HSD3B7: variants seen among roughly 807,000 people sequenced by gnomAD.
The protein encoded by HSD3B7 is 3 beta-hydroxysteroid dehydrogenase type 7.
In HSD3B7, 35 loss-of-function variants were observed where a neutral mutation model predicts 34.3. The ratio of observed to expected loss-of-function variants is 1.02; its 90% CI spans 0.78 to 1.35. HSD3B7 has a LOEUF of 1.35. Among genes scored for constraint, HSD3B7 ranks in the 40% most tolerant of loss-of-function variants. HSD3B7 has a pLI of 0.00. For missense variants in HSD3B7, 426 were observed against 504.7 expected (o/e 0.84, Z 1.49); for synonymous variants, 217 against 220.1 (o/e 0.99, Z 0.13).
At chr16:30,987,062 G>C in intron 6 of HSD3B7, 60 bp downstream of exon 6, 1 of 1,557,638 alleles carries the variant, frequency 6.4e-7, no homozygotes. Flanking sequence ...TGCTCTAGAA[G>C]GGGGCAGGAC....
rs755404590 is a variant in HSD3B7, at chr16:30,985,725, G to C, written c.67G>C (p.Glu23Gln). The change falls in exon 2 of 7, where the codon GAG (glutamate) becomes CAG (glutamine). Residue 23 changes from glutamate to glutamine, a missense_variant. Glu to Gln is a conservative substitution (Grantham distance 29, BLOSUM62 2). Coordinates refer to ENST00000297679, the MANE Select transcript of HSD3B7 (RefSeq NM_025193.4). ...CACAGGGGGCTGTGGCTTCCTGGGA[G>C]AGCACGTGGTGCGAATGCTGCTGCA... The part of the protein sequence containing the change: ...LVTGGCGFLG[E>Q]HVVRMLLQRE... 5 of 1,608,648 alleles carry C rather than the reference G, an allele frequency of 3.1e-6. No homozygotes were observed. Among genetic ancestry groups the C allele is most frequent in the Non-Finnish European group, 4.2e-6 (5 of 1,179,102 alleles).
chr16:30,988,123 G>A lies in HSD3B7; in HGVS notation c.1050G>A (p.Trp350Ter), dbSNP rs1178409161. Residue 350 changes from tryptophan (W) to a stop codon, truncating the protein, a stop_gained, in exon 7 of 7, where the codon TGG (tryptophan) becomes TGA (stop). Transcript: ENST00000297679. LOFTEE classifies it high-confidence loss of function. ...TCGGCTATGAGCCCCTGTTCTCGTG[G>A]GAGGATAGCCGGACCCGTACCATTC... is the stretch of plus-strand genomic sequence containing the variant. ...RHFGYEPLFSWEDSRTRTILW... is the reference protein window; with the variant it reads ...RHFGYEPLFS 1 of 1,606,544 alleles carries A rather than the reference G, an allele frequency of 6.2e-7. No individual in the cohort carries two copies. The highest frequency in any genetic ancestry group is 1.7e-5 in the Admixed American group (1 of 59,950).
Position 30,986,607 on chromosome 16 carries a change from G to T in HSD3B7, c.434G>T (p.Gly145Val). 1 of 1,614,148 alleles carries T rather than the reference G, an allele frequency of 6.2e-7. No homozygotes were observed. The highest frequency in any genetic ancestry group is 2.2e-5 in the East Asian group (1 of 44,890). ...PNTKGHPFYR[G>V]NEDTPYEAVH... ...AGTCTTCCTTCTCCTCCCACCAGGG[G>T]CAACGAAGACACCCCATACGAAGCA... is the stretch of plus-strand genomic sequence containing the variant. The change falls in exon 5 of 7, where the codon GGC becomes GTC. Residue 145 changes from glycine (G) to valine (V), a missense_variant and splice_region_variant. Coordinates refer to ENST00000297679, the MANE Select transcript of HSD3B7 (RefSeq NM_025193.4).
In HSD3B7 at chr16:30,986,656, C is replaced by T. The variant is rs757771601; in HGVS notation, c.483C>T (p.Cys161=). 4 of 1,614,092 alleles carry T rather than the reference C, an allele frequency of 2.5e-6. No homozygotes were observed. The highest frequency in any genetic ancestry group is 2.2e-5 in the East Asian group (1 of 44,904). Residue 161 remains cysteine, a synonymous_variant, in exon 5 of 7, where the codon TGC becomes TGT. Transcript: ENST00000297679. ...CAGTGCACAGGCACCCCTATCCTTG[C>T]AGCAAGGCCCTGGCCGAGTGGCTGG... is the stretch of plus-strand genomic sequence containing the variant. The part of the protein sequence containing the change: ...YEAVHRHPYP[C]SKALAEWLVL...
chr16:30,986,465 G>A lies in HSD3B7; in HGVS notation c.365G>A (p.Arg122Gln), dbSNP rs772927729. The change falls in exon 4 of 7, where the codon CGG becomes CAG. Residue 122 changes from arginine (R) to glutamine (Q), a missense_variant. Transcript: ENST00000297679. ...GAGGCTTGTGTGCAGACCGGAACAC[G>A]GTTCCTGGTCTACACCAGCAGCATG... is the stretch of plus-strand genomic sequence containing the variant. ...VIEACVQTGT[R>Q]FLVYTSSMEV... 5.6e-6 allele frequency: 9 copies of A among 1,613,970 alleles called. No homozygotes were observed. The highest frequency in any genetic ancestry group is 3.3e-5 in the Admixed American group (2 of 60,004).
In HSD3B7 at chr16:30,988,258, A is replaced by T; in HGVS notation, c.*75A>T. On this transcript the variant is annotated 3_prime_UTR_variant, in exon 7 of 7. Coordinates refer to ENST00000297679, the MANE Select transcript of HSD3B7 (RefSeq NM_025193.4). ...CCGAGCCCTCACACCCTGGACGGGA[A>T]GGGACAGCTGCATTCCAGAGCAGGA... The T allele has an allele frequency of 7.1e-7, 1 of 1,414,558 alleles. No individual in the cohort carries two copies. Among genetic ancestry groups the T allele is most frequent in the South Asian group, 1.2e-5 (1 of 80,170 alleles). The allele number at this position is 1,414,558 out of a possible 1,614,324, so 87.6% of individuals were successfully genotyped here.
Position 30,988,367 on chromosome 16 carries a change from C to T in HSD3B7, c.*184C>T. ...TTCTTTTTTGAGACAGGGTCTTGCT[C>T]TGTCACCCAGACTGGAGTGCAGTGG... is the stretch of plus-strand genomic sequence containing the variant. On this transcript the variant is annotated 3_prime_UTR_variant, in exon 7 of 7. Coordinates refer to ENST00000297679, the MANE Select transcript of HSD3B7 (RefSeq NM_025193.4). The T allele has an allele frequency of 1.6e-6, 1 of 620,420 alleles. No individual in the cohort carries two copies. Among genetic ancestry groups the T allele is most frequent in the Non-Finnish European group, 2.8e-6 (1 of 357,202 alleles). The allele number at this position is 620,420 out of a possible 1,614,324, so 38.4% of individuals were successfully genotyped here.
chr16:30,985,224 C>G lies in HSD3B7; in HGVS notation c.-80C>G. Reference sequence around the variant, plus strand: ...GAGGAGCCAGCGGAAGGACGGTGTGCGGGCCGGCCAGCCCTGGACGAAAGA... The same window carrying G: ...GAGGAGCCAGCGGAAGGACGGTGTGGGGGCCGGCCAGCCCTGGACGAAAGA... On this transcript the variant is annotated 5_prime_UTR_variant, in exon 1 of 7. Coordinates refer to ENST00000297679, the MANE Select transcript of HSD3B7 (RefSeq NM_025193.4). The G allele has an allele frequency of 9.2e-7, 1 of 1,087,110 alleles. No homozygotes were observed. The highest frequency in any genetic ancestry group is 1.1e-6 in the Non-Finnish European group (1 of 888,708). 67.3% of individuals were successfully genotyped at this position (1,087,110 alleles called of 1,614,324 possible). A position where few individuals can be genotyped will look rare whatever the true frequency, so the allele number is the denominator to read the frequency against.
Position 30,988,214 on chromosome 16 carries a change from C to G in HSD3B7, c.*31C>G. 1.3e-6 allele frequency: 2 copies of G among 1,561,434 alleles called. No homozygotes were observed. Among genetic ancestry groups the G allele is most frequent in the Admixed American group, 3.7e-5 (2 of 54,082 alleles). On this transcript the variant is annotated 3_prime_UTR_variant, in exon 7 of 7. Coordinates refer to ENST00000297679, the MANE Select transcript of HSD3B7 (RefSeq NM_025193.4). ...GGGCTGGGGCCTGGAGGCCCAGATACAGCACATCCACCCAGGTCCCGAGCC... is the reference window on the plus strand; with the variant it reads ...GGGCTGGGGCCTGGAGGCCCAGATAGAGCACATCCACCCAGGTCCCGAGCC...
At chr16:30,985,592 G>GT (rs2056457468) in intron 1 of HSD3B7, 61 bp from the exon 2 acceptor site, 2 of 1,549,168 alleles carry the variant, frequency 1.3e-6, no homozygotes. Context: ...ACCTCCAGCA[G>GT]TAACAGGTGG....
Position 30,986,481 on chromosome 16 carries a change from C to G in HSD3B7, c.381C>G (p.Thr127=). 1 of 1,614,166 alleles carries G rather than the reference C, an allele frequency of 6.2e-7. No individual in the cohort carries two copies. Among genetic ancestry groups the G allele is most frequent in the Middle Eastern group, 1.6e-4 (1 of 6,062 alleles). ...VQTGTRFLVY[T]SSMEVVGPNT... ...CCGGAACACGGTTCCTGGTCTACAC[C>G]AGCAGCATGGAAGTTGTGGGGCCTA... is the stretch of plus-strand genomic sequence containing the variant. The change falls in exon 4 of 7, where the codon ACC becomes ACG. Residue 127 remains threonine, a synonymous_variant. Transcript: ENST00000297679.
chr16:30,987,691 T>A, intron 6 of HSD3B7, 77 bp from the exon 7 acceptor site: 2 of 1,530,770 alleles, frequency 1.3e-6, no homozygotes, highest in Non-Finnish European at 1.8e-6. Context: ...AAAGAGGGGG[T>A]GGCCCAGGAG....
chr16:30,985,694 C>G lies in HSD3B7; in HGVS notation c.36C>G (p.Tyr12Ter). Residue 12 changes from tyrosine to a stop codon, truncating the protein, a stop_gained, in exon 2 of 7, where the codon TAC becomes TAG. Transcript: ENST00000297679. LOFTEE classifies it high-confidence loss of function. ...CTGCACAGGCCCAGAAGCTGGTGTA[C>G]CTGGTCACAGGGGGCTGTGGCTTCC... is the stretch of plus-strand genomic sequence containing the variant. Reference protein sequence around the residue: ...ADSAQAQKLVYLVTGGCGFLG... With the variant: ...ADSAQAQKLV The G allele has an allele frequency of 1.2e-6, 2 of 1,608,458 alleles. No individual in the cohort carries two copies. Among genetic ancestry groups the G allele is most frequent in the Non-Finnish European group, 1.7e-6 (2 of 1,179,404 alleles).
At chr16:30,987,343 A>G (rs1781415646) in intron 6 of HSD3B7, 1 of 424,618 alleles carries the variant, frequency 2.4e-6, no homozygotes, top group South Asian at 2.4e-5. Context: ...GCACTTTAGG[A>G]GGCTGAGGCG....
chr16:30,986,871 C>T lies in HSD3B7; in HGVS notation c.563C>T (p.Ala188Val). 2 of 1,613,962 alleles carry T rather than the reference C, an allele frequency of 1.2e-6. No homozygotes were observed. Reference sequence around the variant, plus strand: ...GGGGGGCTGCCCCTGGTGACGTGTGCCCTTCGTCCCACGGGCATCTACGGT... The same window carrying T: ...GGGGGGCTGCCCCTGGTGACGTGTGTCCTTCGTCCCACGGGCATCTACGGT... ...VRGGLPLVTCALRPTGIYGEG... is the reference protein window; with the variant it reads ...VRGGLPLVTCVLRPTGIYGEG... The change falls in exon 6 of 7, where the codon GCC becomes GTC. Residue 188 changes from alanine to valine, a missense_variant. Physicochemically the swap from Ala to Val is moderately conservative, Grantham distance 64 (BLOSUM62 0). Transcript: ENST00000297679.
At position 30,986,884 on chromosome 16, in the gene HSD3B7, G is replaced by A. The variant is rs751904240; in HGVS notation, c.576G>A (p.Thr192=). Reference sequence around the variant, plus strand: ...TGGTGACGTGTGCCCTTCGTCCCACGGGCATCTACGGTGAAGGCCACCAGA... The same window carrying A: ...TGGTGACGTGTGCCCTTCGTCCCACAGGCATCTACGGTGAAGGCCACCAGA... ...LPLVTCALRP[T]GIYGEGHQIM... The change falls in exon 6 of 7, where the codon ACG becomes ACA. Residue 192 remains threonine (T), a synonymous_variant. Coordinates refer to ENST00000297679, the MANE Select transcript of HSD3B7 (RefSeq NM_025193.4). 6.2e-6 allele frequency: 10 copies of A among 1,613,826 alleles called. No individual in the cohort carries two copies. Among genetic ancestry groups the A allele is most frequent in the South Asian group, 3.3e-5 (3 of 91,094 alleles).
chr16:30,988,069 C>T lies in HSD3B7; in HGVS notation c.996C>T (p.Thr332=), dbSNP rs749890925. ...YTLAVANTTF[T]VSTDKAQRHF... ...TGGCCGTGGCCAACACCACCTTCAC[C>T]GTCAGCACCGACAAGGCTCAGCGCC... The change falls in exon 7 of 7, where the codon ACC becomes ACT. Residue 332 remains threonine, a synonymous_variant. Transcript: ENST00000297679. The T allele has an allele frequency of 2.8e-5, 45 of 1,606,156 alleles. No homozygotes were observed. The East Asian group carries it at 8.5e-4, about 30-fold the overall frequency.
Position 30,988,911 on chromosome 16 carries a change from C to A in HSD3B7, c.*728C>A, listed in dbSNP as rs545885896. 6.6e-6 allele frequency: 1 copy of A among 152,434 alleles called. No homozygotes were observed. The highest frequency in any genetic ancestry group is 2.4e-5 in the African/African-American group (1 of 41,582). The allele number at this position is 152,434 out of a possible 1,614,324, so 9.4% of individuals were successfully genotyped here. ...CCCTCGGTGCAGAGTGCAGAGGCGG[C>A]TCTGGTTCCTCCAGCCACCTCAGTC... On this transcript the variant is annotated 3_prime_UTR_variant, in exon 7 of 7. Coordinates refer to ENST00000297679, the MANE Select transcript of HSD3B7 (RefSeq NM_025193.4).
Position 30,987,911 on chromosome 16 carries a change from G to C in HSD3B7, c.838G>C (p.Gly280Arg). Reference protein sequence around the residue: ...DFNMEFLGPCGLRLVGARPLL... With the variant: ...DFNMEFLGPCRLRLVGARPLL... ...CAACATGGAGTTCCTGGGCCCCTGC[G>C]GACTGCGGCTGGTGGGCGCCCGCCC... Residue 280 changes from glycine to arginine, a missense_variant, in exon 7 of 7, where the codon GGA becomes CGA. Transcript: ENST00000297679. The C allele has an allele frequency of 6.2e-7, 1 of 1,613,906 alleles. No individual in the cohort carries two copies. Among genetic ancestry groups the C allele is most frequent in the Non-Finnish European group, 8.5e-7 (1 of 1,179,988 alleles).
Sources: allele counts gnomAD v4.1 joint callset, GRCh38; gene constraint gnomAD v4.1.1; transcripts MANE v1.5; gene names NCBI Gene and HGNC (gene_info 2026-07-23, HGNC 2026-07-21).